Variants in ARFGAP1 observed in about 807,000 individuals in gnomAD.
The protein encoded by ARFGAP1 is ARF GTPase activating protein 1, also known as ADP-ribosylation factor GTPase-activating protein 1.
ARFGAP1 carries 26 observed loss-of-function variants against 54.0 expected under a neutral mutation model. That is an observed-to-expected ratio of 0.48 (90% CI 0.35 to 0.67). The LOEUF is 0.67. ARFGAP1 is among the 30% of genes least tolerant of loss of function. The pLI is 0.00. For missense variants in ARFGAP1, 525 were observed against 535.8 expected (o/e 0.98, Z 0.20); for synonymous variants, 248 against 211.9 (o/e 1.17, Z -1.48).
chr20:63,283,107 C>T (rs2067429933), intron 9 of ARFGAP1: 2 of 559,576 alleles, frequency 3.6e-6, no homozygotes, highest in East Asian at 3.0e-5. Context: ...GGTGTGTGGC[C>T]ACTGCAGCCG....
rs539557478 is a variant in ARFGAP1 at position 63,276,989 on chromosome 20, G to C, written c.343-216G>C. 6.6e-6 allele frequency among the ~76,000 whole-genome samples: 1 copy of C among 152,316 alleles called. No individual in the cohort carries two copies. The highest frequency in any genetic ancestry group is 1.9e-4 in the East Asian group (1 of 5,186). ...TTGGAAGTTGGAGCTGCACCAACTA[G>C]GAGCTCCCCAGCACTGTTGTTCATT... On this transcript the variant is annotated intron_variant, in intron 4 of 12. Coordinates refer to ENST00000370283, the MANE Select transcript of ARFGAP1 (RefSeq NM_018209.4). This position sits in a 1 kb window ranked among gnomAD's most constrained non-coding sequence, Gnocchi z 5.2.
chr20:63,276,985 A>C lies in ARFGAP1; in HGVS notation c.343-220A>C, dbSNP rs1370662833. ...TGTGTTGGAAGTTGGAGCTGCACCAACTAGGAGCTCCCCAGCACTGTTGTT... is the reference window on the plus strand; with the variant it reads ...TGTGTTGGAAGTTGGAGCTGCACCACCTAGGAGCTCCCCAGCACTGTTGTT... On this transcript the variant is annotated intron_variant, in intron 4 of 12. Transcript: ENST00000370283. The surrounding 1 kb of genome is among the most constrained non-coding windows in gnomAD (Gnocchi z 5.2). Among the ~76,000 whole-genome samples, 4 of 152,192 alleles carry C rather than the reference A, an allele frequency of 2.6e-5. No homozygotes were observed. The highest frequency in any genetic ancestry group is 5.9e-5 in the Non-Finnish European group (4 of 68,026).
chr20:63,281,481 G>A (rs2067379492), intron 8 of ARFGAP1, 134 bp downstream of exon 8: 3 of 1,128,502 alleles, frequency 2.7e-6, no homozygotes, highest in African/African-American at 3.1e-5. Context: ...ACCATGGGCT[G>A]TGCCAACGCA....
intron 9 of ARFGAP1, chr20:63,283,651 T>C: frequency 1.9e-6 from 1 of 538,670 alleles, no homozygotes; most frequent in Non-Finnish European, 3.2e-6. Flanking sequence ...GGTCCTGAGG[T>C]GCAGTCGCTC....
intron 7 of ARFGAP1, among the ~76,000 whole-genome samples, chr20:63,280,872 G>A (rs1312540378): frequency 2.0e-5 from 3 of 152,162 alleles, no homozygotes; most frequent in African/African-American, 7.2e-5. Flanking sequence ...ATCTTGAGAG[G>A]CTCAGAAGGA....
intron 10 of ARFGAP1, among the ~76,000 whole-genome samples, chr20:63,285,319 A>G (rs929824031): frequency 6.6e-6 from 1 of 152,188 alleles, no homozygotes; most frequent in Non-Finnish European, 1.5e-5. Context: ...TAGGGGGTCA[A>G]GAGCCCCGCC....
chr20:63,273,961 G>A (rs945368025), intron 1 of ARFGAP1: 1 of 152,248 alleles, frequency 6.6e-6, no homozygotes, highest in Admixed American at 6.5e-5. Flanking sequence ...GCCCCGCCAG[G>A]GCACCTCTCC....
rs2067610731 is a variant in ARFGAP1 at position 63,288,004 on chromosome 20, G to T, written c.*131G>T. Reference sequence around the variant, plus strand: ...TGTGAGGACAGCGTCTCGGGAGGCAGGACCCTAGGGAGACCCGGGTGTGCG... The same window carrying T: ...TGTGAGGACAGCGTCTCGGGAGGCATGACCCTAGGGAGACCCGGGTGTGCG... On this transcript the variant is annotated 3_prime_UTR_variant, in exon 13 of 13. Coordinates refer to ENST00000370283, the MANE Select transcript of ARFGAP1 (RefSeq NM_018209.4). The T allele has an allele frequency of 1.3e-5, 14 of 1,114,822 alleles. 1 individual carries two copies. The South Asian group carries it at 2.3e-4, about 18-fold the overall frequency. 69.1% of individuals were successfully genotyped at this position (1,114,822 alleles called of 1,614,324 possible).
chr20:63,286,302 G>A, intron 11 of ARFGAP1, 64 bp from the exon 12 acceptor site: 1 of 1,602,754 alleles, frequency 6.2e-7, no homozygotes, highest in Non-Finnish European at 8.5e-7. Flanking sequence ...TGCGTGTGGG[G>A]GCCTCCTGAA....
intron 9 of ARFGAP1, chr20:63,284,536 G>C (rs1032006080): frequency 1.7e-6 from 2 of 1,192,824 alleles, no homozygotes; most frequent in Middle Eastern, 2.3e-4. Flanking sequence ...GGCTGCAGCC[G>C]GCGTTGGCCT....
intron 9 of ARFGAP1, chr20:63,284,220 G>T: frequency 5.7e-6 from 7 of 1,237,912 alleles, no homozygotes; most frequent in Non-Finnish European, 7.1e-6. Context: ...CTGCTGAGCA[G>T]GGTTTCCTGG....
At chr20:63,278,227 G>A (rs1034884067) in intron 6 of ARFGAP1, 24 bp downstream of exon 6, 9 of 1,609,730 alleles carry the variant, frequency 5.6e-6, no homozygotes, top group Non-Finnish European at 7.6e-6. Flanking sequence ...AGCTGGGGAC[G>A]CCTGGCGTGG....
chr20:63,283,940 TC>T (rs2067454357), intron 9 of ARFGAP1: 1 of 1,607,300 alleles, frequency 6.2e-7, no homozygotes, highest in South Asian at 1.1e-5. Context: ...GTGCTTGGCT[TC>T]CTCTGTCCCT....
At chr20:63,284,297 T>C (rs541017689) in intron 9 of ARFGAP1, 1 of 1,084,270 alleles carries the variant, frequency 9.2e-7, no homozygotes, top group African/African-American at 1.6e-5. Flanking sequence ...TTCTTCCCTT[T>C]CCGGCCTTTG....
intron 9 of ARFGAP1, chr20:63,284,588 C>T (rs940011619): frequency 2.7e-5 from 36 of 1,310,190 alleles, no homozygotes; most frequent in Non-Finnish European, 3.0e-5. Context: ...CAGCCCGGCC[C>T]GGCAGGGCCG....
rs1490019598 is a variant in ARFGAP1 at position 63,278,260 on chromosome 20, T to C, written c.530+57T>C. 22 of 1,577,012 alleles carry C rather than the reference T, an allele frequency of 1.4e-5. No individual in the cohort carries two copies. In the Admixed American group the frequency reaches 3.7e-4, roughly 26 times the overall value. On this transcript the variant is annotated intron_variant, in intron 6 of 12. Transcript: ENST00000370283. ...TGGGCCAGGCCCACAGGGTTCAGTC[T>C]GGTGGGTAGGGCTGCTTCCCTTGGG... is the stretch of plus-strand genomic sequence containing the variant.
At chr20:63,278,878 T>C (rs1400755028) in intron 6 of ARFGAP1, 21 bp from the exon 7 acceptor site, 1 of 1,613,372 alleles carries the variant, frequency 6.2e-7, no homozygotes, top group East Asian at 2.2e-5. Context: ...ATCTTCGGCC[T>C]CTTGTCCGCT....
intron 11 of ARFGAP1, 61 bp downstream of exon 11, chr20:63,285,774 G>C: frequency 6.3e-7 from 1 of 1,588,920 alleles, no homozygotes; most frequent in Non-Finnish European, 8.6e-7. Flanking sequence ...CCACGGCCCT[G>C]GGCGTGAGAG....
chr20:63,272,854 T>A lies in ARFGAP1; in HGVS notation c.-71T>A, dbSNP rs2067138061. On this transcript the variant is annotated 5_prime_UTR_variant, in exon 1 of 13. The change creates a new upstream start codon in the 5' untranslated region. Transcript: ENST00000370283. ...TGGTGGGCGACCGGGCGCATCCTCATTGCAGTGCGGCGGCCCTACCTCGGC... is the reference window on the plus strand; with the variant it reads ...TGGTGGGCGACCGGGCGCATCCTCAATGCAGTGCGGCGGCCCTACCTCGGC... 6.6e-6 allele frequency: 1 copy of A among 152,360 alleles called. No homozygotes were observed. The highest frequency in any genetic ancestry group is 2.4e-5 in the African/African-American group (1 of 41,562). The allele number at this position is 152,360 out of a possible 1,614,324, so 9.4% of individuals were successfully genotyped here. A position where few individuals can be genotyped will look rare whatever the true frequency, so the allele number is the denominator to read the frequency against.
Sources: gnomAD v4.1 joint callset for allele counts (sites outside exome capture counted in the v4.1 genomes callset) on GRCh38, gnomAD v4.1.1 for gene constraint, Gnocchi (gnomAD v3.1) non-coding constraint, MANE v1.5 for transcripts, NCBI Gene and HGNC (gene_info 2026-07-23, HGNC 2026-07-21) for gene names.